FAM168A: variants seen among roughly 807,000 people sequenced by gnomAD.
FAM168A encodes the protein family with sequence similarity 168 member A, also known as protein FAM168A.
FAM168A carries 3 observed loss-of-function variants against 28.5 expected under a neutral mutation model. The ratio of observed to expected loss-of-function variants is 0.11; its 90% CI spans 0.05 to 0.27. FAM168A has a LOEUF of 0.27. Ranked by LOEUF, FAM168A falls within the 10% of genes least tolerant of loss-of-function variation. FAM168A has a pLI of 1.00. For synonymous variants in FAM168A, 122 were observed against 124.2 expected, an observed-to-expected ratio of 0.98 and a Z score of 0.12; for missense variants, 222 against 311.5, an observed-to-expected ratio of 0.71 and a Z score of 2.16.
intron 1 of FAM168A, among the ~76,000 whole-genome samples, chr11:73,549,830 G>A (rs757304278): frequency 9.2e-5 from 14 of 152,278 alleles, no homozygotes; most frequent in Middle Eastern, 3.4e-3. Context: ...AGAGCTAATC[G>A]GAAAGTCTTT....
chr11:73,516,316 T>C (rs7114376), intron 1 of FAM168A, among the ~76,000 whole-genome samples: 31,664 of 152,046 alleles, frequency 0.21, 5,481 homozygotes, highest in African/African-American at 0.48. Context: ...GTTTCAATTT[T>C]TTCATTTGTA....
chr11:73,496,897 A>ACACACACACACACACACACACACACACG (rs1555027749), intron 1 of FAM168A, among the ~76,000 whole-genome samples: 1 of 150,258 alleles, frequency 6.7e-6, no homozygotes, highest in African/African-American at 2.5e-5. Context: ...ACACACACAC[A>ACACACACACACACACACACACACACACG]CACACACACG....
At chr11:73,484,656 A>C (rs1260942831) in intron 1 of FAM168A, among the ~76,000 whole-genome samples, 2 of 145,368 alleles carry the variant, frequency 1.4e-5, no homozygotes, top group Non-Finnish European at 3.0e-5. Flanking sequence ...ATCTATCTAT[A>C]TATAGATAGA....
chr11:73,590,097 T>C (rs1944364034), intron 1 of FAM168A, among the ~76,000 whole-genome samples: 1 of 152,090 alleles, frequency 6.6e-6, no homozygotes, highest in African/African-American at 2.4e-5. Flanking sequence ...AATATACTTA[T>C]TTTCATTAGA....
intron 1 of FAM168A, among the ~76,000 whole-genome samples, chr11:73,574,742 T>TG (rs1944151584): frequency 1.4e-5 from 2 of 145,914 alleles, no homozygotes; most frequent in African/African-American, 5.2e-5. Context: ...TTTTTTTTTT[T>TG]TAGTAGAGAA....
chr11:73,586,191 G>C (rs898498947), intron 1 of FAM168A, among the ~76,000 whole-genome samples: 1 of 152,202 alleles, frequency 6.6e-6, no homozygotes, highest in East Asian at 1.9e-4. Flanking sequence ...AGGCAGAAAA[G>C]TCTGGGGATT....
chr11:73,566,099 T>C (rs550407677), intron 1 of FAM168A, among the ~76,000 whole-genome samples: 3 of 152,324 alleles, frequency 2.0e-5, no homozygotes, highest in South Asian at 2.1e-4. Flanking sequence ...CATCTACCAA[T>C]TGAGTTTTAA....
At chr11:73,545,040 T>A (rs1399046320) in intron 1 of FAM168A, among the ~76,000 whole-genome samples, 2 of 115,384 alleles carry the variant, frequency 1.7e-5, no homozygotes, top group Admixed American at 2.3e-4. Context: ...ATATATATAT[T>A]TTTTGGAGAC....
intron 2 of FAM168A, among the ~76,000 whole-genome samples, chr11:73,466,328 A>G (rs1867735196): frequency 6.6e-6 from 1 of 152,218 alleles, no homozygotes; most frequent in Non-Finnish European, 1.5e-5. Flanking sequence ...ATTTTAAGAC[A>G]GATTAGCTTA....
intron 1 of FAM168A, among the ~76,000 whole-genome samples, chr11:73,568,821 G>A (rs1199706068): frequency 1.3e-5 from 2 of 152,110 alleles, no homozygotes; most frequent in Admixed American, 1.3e-4. Context: ...CTTGAACCCA[G>A]GAGGCGGAGG....
At chr11:73,544,662 T>TATTATATATA (rs1211017927) in intron 1 of FAM168A, among the ~76,000 whole-genome samples, 1 of 134,960 alleles carries the variant, frequency 7.4e-6, no homozygotes, top group Non-Finnish European at 1.5e-5. Flanking sequence ...CAATTACATA[T>TATTATATATA]ATTATATATA....
At chr11:73,520,900 T>C (rs923789270) in intron 1 of FAM168A, among the ~76,000 whole-genome samples, 1 of 149,404 alleles carries the variant, frequency 6.7e-6, no homozygotes, top group Non-Finnish European at 1.5e-5. Flanking sequence ...AAAATGGAAA[T>C]AAGCAGCTAA....
intron 1 of FAM168A, among the ~76,000 whole-genome samples, chr11:73,521,375 C>G (rs1943373913): frequency 6.6e-6 from 1 of 152,112 alleles, no homozygotes; most frequent in Admixed American, 6.5e-5. Flanking sequence ...CCCTACTACC[C>G]TACCCACCCT....
intron 4 of FAM168A, among the ~76,000 whole-genome samples, chr11:73,416,012 C>G (rs1055607196): frequency 2.0e-5 from 3 of 152,198 alleles, no homozygotes; most frequent in Non-Finnish European, 4.4e-5. Flanking sequence ...CTCACCCTGC[C>G]CTAGGCAGAG....
intron 1 of FAM168A, among the ~76,000 whole-genome samples, chr11:73,589,152 G>A (rs1284485165): frequency 2.0e-5 from 3 of 152,182 alleles, no homozygotes; most frequent in African/African-American, 7.2e-5. Flanking sequence ...GATATTCAGT[G>A]AACCAATATT....
chr11:73,556,474 T>A (rs1943890873), intron 1 of FAM168A, among the ~76,000 whole-genome samples: 1 of 151,794 alleles, frequency 6.6e-6, no homozygotes, highest in South Asian at 2.1e-4. Context: ...TCTACCTATA[T>A]GAGGTACTCA....
intron 1 of FAM168A, among the ~76,000 whole-genome samples, chr11:73,488,671 G>A (rs1050218293): frequency 1.3e-5 from 2 of 152,066 alleles, no homozygotes; most frequent in African/African-American, 4.8e-5. Context: ...AACAGTCCAC[G>A]TTCCAACCTT....
chr11:73,445,235 G>T (rs900626681), intron 2 of FAM168A, among the ~76,000 whole-genome samples: 1 of 151,118 alleles, frequency 6.6e-6, no homozygotes, highest in Non-Finnish European at 1.5e-5. Flanking sequence ...CTCCAGCCTG[G>T]GCAACAAGAG....
At chr11:73,430,659 A>G in intron 3 of FAM168A, 31 bp downstream of exon 3, 1 of 1,598,462 alleles carries the variant, frequency 6.3e-7, no homozygotes, top group Non-Finnish European at 8.6e-7. Flanking sequence ...TTCCCACTCC[A>G]TTCGCCACTG....
Sources: gnomAD v4.1 joint callset for allele counts (sites outside exome capture counted in the v4.1 genomes callset) on GRCh38, gnomAD v4.1.1 for gene constraint, MANE v1.5 for transcripts, NCBI Gene and HGNC (gene_info 2026-07-23, HGNC 2026-07-21) for gene names.